Variants in RTKN2 observed in about 807,000 individuals in gnomAD.
The protein encoded by RTKN2 is rhotekin-2.
In RTKN2, 69 loss-of-function variants were observed where a neutral mutation model predicts 71.5. The observed-to-expected ratio is 0.96, with a 90% CI of 0.79 to 1.18. The LOEUF is 1.18. Among genes scored for constraint, RTKN2 ranks in the 50% most tolerant of loss-of-function variants. The pLI is 0.00. For synonymous variants in RTKN2, 236 were observed against 236.5 expected (o/e 1.00, Z 0.02); for missense variants, 724 against 719.7 (o/e 1.01, Z -0.07).
downstream of RTKN2, among the ~76,000 whole-genome samples, chr10:62,191,114 T>C (rs576414095): frequency 6.6e-6 from 1 of 152,178 alleles, no homozygotes; most frequent in Non-Finnish European, 1.5e-5. Context: ...AAGATATTCA[T>C]AGTATATACT....
At chr10:62,233,527 G>C (rs374994187) in intron 6 of RTKN2, among the ~76,000 whole-genome samples, 1 of 151,862 alleles carries the variant, frequency 6.6e-6, no homozygotes, top group Non-Finnish European at 1.5e-5. Flanking sequence ...TGTAGACTGG[G>C]ACTGATTCAC....
intron 1 of RTKN2, among the ~76,000 whole-genome samples, chr10:62,266,135 A>T (rs944229713): frequency 2.6e-5 from 4 of 152,228 alleles, no homozygotes; most frequent in African/African-American, 9.6e-5. Context: ...TGACGCTATA[A>T]GTAGTTAAAG....
intron 7 of RTKN2, among the ~76,000 whole-genome samples, chr10:62,219,607 C>A (rs1438800054): frequency 6.6e-6 from 1 of 151,870 alleles, no homozygotes; most frequent in African/African-American, 2.4e-5. Flanking sequence ...GGGGTACAGA[C>A]TATCATGTAA....
Position 62,195,410 on chromosome 10 carries a change from T to C in RTKN2, c.*2498A>G, listed in dbSNP as rs1320237414. 7.1e-6 allele frequency: 7 copies of C among 982,736 alleles called. No individual in the cohort carries two copies. The highest frequency in any genetic ancestry group is 1.1e-4 in the East Asian group (1 of 8,820). The allele number at this position is 982,736 out of a possible 1,614,324, so 60.9% of individuals were successfully genotyped here. A position where few individuals can be genotyped will look rare whatever the true frequency, so the allele number is the denominator to read the frequency against. On this transcript the variant is annotated 3_prime_UTR_variant, in exon 12 of 12. Coordinates refer to ENST00000373789, the MANE Select transcript of RTKN2 (RefSeq NM_145307.4). ...AGAAATGAGAAAACAAACAATTCTT[T>C]TGAAACACTCTTTGACACAGTGCTT...
chr10:62,230,566 A>C (rs940737083), intron 6 of RTKN2, among the ~76,000 whole-genome samples: 1 of 152,206 alleles, frequency 6.6e-6, no homozygotes, highest in African/African-American at 2.4e-5. Flanking sequence ...AAGCATTGTC[A>C]TACTTCATCT....
chr10:62,231,334 G>A (rs1254445054), intron 6 of RTKN2, among the ~76,000 whole-genome samples: 3 of 152,118 alleles, frequency 2.0e-5, no homozygotes. Context: ...TCTGGCTAAA[G>A]GAATTTTAGT....
chr10:62,215,663 T>C (rs1487040016), intron 9 of RTKN2, among the ~76,000 whole-genome samples: 1 of 151,978 alleles, frequency 6.6e-6, no homozygotes, highest in Non-Finnish European at 1.5e-5. Flanking sequence ...GATTTTAAAA[T>C]GGTTCAGAAA....
At chr10:62,255,769 A>T (rs995980117) in intron 2 of RTKN2, among the ~76,000 whole-genome samples, 1 of 152,234 alleles carries the variant, frequency 6.6e-6, no homozygotes, top group African/African-American at 2.4e-5. Context: ...TGCCATCTAA[A>T]GCAAGGGTTT....
At chr10:62,267,753 C>A (rs1472675241) in intron 1 of RTKN2, among the ~76,000 whole-genome samples, 2 of 152,034 alleles carry the variant, frequency 1.3e-5, no homozygotes, top group African/African-American at 2.4e-5. Context: ...TATGGCTTAA[C>A]CTATTTCTGA....
chr10:62,262,805 T>C lies in RTKN2; in HGVS notation c.77A>G (p.Glu26Gly), dbSNP rs1842798463. 1 of 1,607,106 alleles carries C rather than the reference T, an allele frequency of 6.2e-7. No homozygotes were observed. The highest frequency in any genetic ancestry group is 8.5e-7 in the Non-Finnish European group (1 of 1,177,118). ...LPTQQDCNIQ[E>G]KIDLEIRMRE... ...CATTCGAATTTCTAAGTCTATTTTT[T>C]CTTGAATGTTGCAGTCCTAAAAAAA... The change falls in exon 2 of 12, where the codon GAA becomes GGA. Residue 26 changes from glutamate to glycine, a missense_variant. Glu to Gly is a moderately conservative substitution (Grantham distance 98). Coordinates refer to ENST00000373789, the MANE Select transcript of RTKN2 (RefSeq NM_145307.4).
intron 10 of RTKN2, among the ~76,000 whole-genome samples, chr10:62,202,213 C>T (rs1406094151): frequency 2.0e-5 from 3 of 152,262 alleles, no homozygotes; most frequent in Middle Eastern, 3.4e-3. Flanking sequence ...ATCCCCCTTG[C>T]CCACCAACAT....
intron 8 of RTKN2, among the ~76,000 whole-genome samples, chr10:62,187,595 G>A (rs1032691477): frequency 6.6e-6 from 1 of 152,148 alleles, no homozygotes; most frequent in African/African-American, 2.4e-5. Flanking sequence ...AGTCAATAGT[G>A]TCACATTAGT....
intron 5 of RTKN2, chr10:62,238,874 T>C (rs1049632310): frequency 5.3e-5 from 8 of 152,064 alleles, no homozygotes; most frequent in African/African-American, 1.9e-4. Flanking sequence ...TGGATTTTTA[T>C]ATTAATAGTT....
chr10:62,250,061 T>C (rs1447763286), intron 2 of RTKN2, among the ~76,000 whole-genome samples: 1 of 152,224 alleles, frequency 6.6e-6, no homozygotes, highest in Non-Finnish European at 1.5e-5. Context: ...CTACAAATTT[T>C]AATTTACCGT....
At chr10:62,260,812 A>T (rs910587538) in intron 2 of RTKN2, among the ~76,000 whole-genome samples, 4 of 152,218 alleles carry the variant, frequency 2.6e-5, no homozygotes, top group East Asian at 1.9e-4. Flanking sequence ...TCCCAAAAAT[A>T]ATATTCCAGA....
chr10:62,205,369 A>T (rs944764335), intron 9 of RTKN2, among the ~76,000 whole-genome samples: 1 of 152,176 alleles, frequency 6.6e-6, no homozygotes, highest in African/African-American at 2.4e-5. Context: ...TTTCCAATAA[A>T]ACAAGTACAG....
chr10:62,195,911 G>A lies in RTKN2; in HGVS notation c.*1997C>T, dbSNP rs1841321695. 1 of 985,082 alleles carries A rather than the reference G, an allele frequency of 1.0e-6. No individual in the cohort carries two copies. Among genetic ancestry groups the A allele is most frequent in the Non-Finnish European group, 1.2e-6 (1 of 829,712 alleles). 61.0% of individuals were successfully genotyped at this position (985,082 alleles called of 1,614,324 possible). On this transcript the variant is annotated 3_prime_UTR_variant, in exon 12 of 12. Coordinates refer to ENST00000373789, the MANE Select transcript of RTKN2 (RefSeq NM_145307.4). Reference sequence around the variant, plus strand: ...TCTACTCTGAGGGCACAACTGCTAGGTAATTTCTGTATGAATACTTTCTTT... The same window carrying A: ...TCTACTCTGAGGGCACAACTGCTAGATAATTTCTGTATGAATACTTTCTTT...
chr10:62,195,187 TATC>T lies in RTKN2; in HGVS notation c.*2718_*2720del, dbSNP rs148141432. 1.0e-3 allele frequency: 990 copies of T among 976,632 alleles called. 7 individuals are homozygous for T. In the African/African-American group the frequency reaches 0.016, roughly 15 times the overall value. The allele number at this position is 976,632 out of a possible 1,614,324, so 60.5% of individuals were successfully genotyped here. A position where few individuals can be genotyped will look rare whatever the true frequency, so the allele number is the denominator to read the frequency against. On this transcript the variant is annotated 3_prime_UTR_variant, in exon 12 of 12. Coordinates refer to ENST00000373789, the MANE Select transcript of RTKN2 (RefSeq NM_145307.4). ...GACATTATCTTTAGATCATCAGAATTATCATATCATAAAATATCTATTCTGTTT... is the reference window on the plus strand; with the variant it reads ...GACATTATCTTTAGATCATCAGAATTATATCATAAAATATCTATTCTGTTT...
rs1354979268 is a variant in RTKN2, at chr10:62,194,376, T to C, written c.*3532A>G. On this transcript the variant is annotated 3_prime_UTR_variant, in exon 12 of 12. Coordinates refer to ENST00000373789, the MANE Select transcript of RTKN2 (RefSeq NM_145307.4). ...TTTAAAAATAGTGATGCCTTTGAAA[T>C]GTAAGGGGAAAATGTCAACTTTACA... 1 of 984,394 alleles carries C rather than the reference T, an allele frequency of 1.0e-6. No homozygotes were observed. Among genetic ancestry groups the C allele is most frequent in the African/African-American group, 1.7e-5 (1 of 57,222 alleles). 61.0% of individuals were successfully genotyped at this position (984,394 alleles called of 1,614,324 possible). A position where few individuals can be genotyped will look rare whatever the true frequency, so the allele number is the denominator to read the frequency against.
Sources: allele counts gnomAD v4.1 joint callset (sites outside exome capture counted in the v4.1 genomes callset), GRCh38; gene constraint gnomAD v4.1.1; transcripts MANE v1.5; gene names NCBI Gene and HGNC (gene_info 2026-07-23, HGNC 2026-07-21).